The following TENM3 variants were observed in gnomAD, a reference collection of about 807,000 sequenced individuals.
The protein encoded by TENM3 is teneurin-3.
A neutral mutation model predicts 255.1 loss-of-function variants in TENM3; 63 were observed. That is an observed-to-expected ratio of 0.25 (90% CI 0.20 to 0.30). TENM3 has a LOEUF of 0.30. Ranked by LOEUF, TENM3 falls within the 10% of genes least tolerant of loss-of-function variation. The probability of loss-of-function intolerance (pLI) is 1.00; values close to 1 mark genes in which losing one functional copy is unlikely to be tolerated. For missense variants in TENM3, 2,929 were observed against 3,461.1 expected (o/e 0.85, Z 3.86); for synonymous variants, 1,306 against 1,322.3 (o/e 0.99, Z 0.27).
the TENM3 span, among the ~76,000 whole-genome samples, chr4:181,666,850 G>A: frequency 6.6e-6 from 1 of 152,094 alleles, no homozygotes; most frequent in Non-Finnish European, 1.5e-5. Context: ...TGCACCTGGG[G>A]CAGACATTCC....
chr4:181,651,095 C>T, the TENM3 span, among the ~76,000 whole-genome samples: 1 of 152,122 alleles, frequency 6.6e-6, no homozygotes, highest in African/African-American at 2.4e-5. Flanking sequence ...GAATAAAAAG[C>T]ATCAAAGTGA....
chr4:182,788,945 C>G, intron 24 of TENM3, 148 bp from the exon 25 acceptor site: 2 of 621,890 alleles, frequency 3.2e-6, no homozygotes, highest in South Asian at 5.1e-5. Flanking sequence ...AGCAGTTAAT[C>G]TACTGCCTTG....
chr4:181,546,050 C>A, the TENM3 span, among the ~76,000 whole-genome samples: 14 of 152,292 alleles, frequency 9.2e-5, no homozygotes, highest in South Asian at 2.9e-3. Flanking sequence ...GTTATTGCCA[C>A]GGTTTCCCTA....
chr4:181,790,009 G>A, the TENM3 span, among the ~76,000 whole-genome samples: 1 of 152,146 alleles, frequency 6.6e-6, no homozygotes, highest in African/African-American at 2.4e-5. Flanking sequence ...ATGGGGTCAT[G>A]GAGTGCAATT....
At chr4:182,042,560 T>C in the TENM3 span, among the ~76,000 whole-genome samples, 2 of 152,182 alleles carry the variant, frequency 1.3e-5, no homozygotes, top group Non-Finnish European at 2.9e-5. Flanking sequence ...GTGTTTCTTA[T>C]TTTAATACAA....
Position 182,729,038 on chromosome 4 carries a change from A to T in TENM3, c.2442A>T (p.Gly814=), listed in dbSNP as rs1760467123. 1.2e-6 allele frequency: 2 copies of T among 1,613,962 alleles called. No individual in the cohort carries two copies. Among genetic ancestry groups the T allele is most frequent in the Non-Finnish European group, 1.7e-6 (2 of 1,179,880 alleles). The change falls in exon 14 of 28, where the codon GGA becomes GGT. Residue 814 remains glycine (G), a synonymous_variant. Coordinates refer to ENST00000511685, the MANE Select transcript of TENM3 (RefSeq NM_001080477.4). The part of the protein sequence containing the change: ...SSCQNQPYCR[G]LPDPQDIISQ... ...GCCAGAATCAGCCCTATTGTCGGGG[A>T]CTGCCGGATCCTCAGGACATCATTA...
At chr4:182,257,935 GCTAA>G (rs1758525931) in intron 1 of TENM3, among the ~76,000 whole-genome samples, 1 of 151,984 alleles carries the variant, frequency 6.6e-6, no homozygotes, top group Non-Finnish European at 1.5e-5. Context: ...AAATCTTATT[GCTAA>G]CTATTTTGTT....
chr4:182,421,396 T>C (rs1217727672), intron 3 of TENM3, among the ~76,000 whole-genome samples: 1 of 152,184 alleles, frequency 6.6e-6, no homozygotes, highest in South Asian at 2.1e-4. Flanking sequence ...ATATATACTC[T>C]TTCCTCTAGA....
intron 3 of TENM3, among the ~76,000 whole-genome samples, chr4:182,576,107 C>G (rs192246914): frequency 6.6e-6 from 1 of 152,140 alleles, no homozygotes; most frequent in Non-Finnish European, 1.5e-5. Context: ...GATATTTATT[C>G]GGTAGATTTT....
At chr4:182,084,315 AG>A in the TENM3 span, among the ~76,000 whole-genome samples, 2 of 152,204 alleles carry the variant, frequency 1.3e-5, no homozygotes, top group Non-Finnish European at 2.9e-5. Flanking sequence ...ACCAAAGCAA[AG>A]GGCATTACTT....
At chr4:182,245,538 G>A (rs1030155168) in intron 1 of TENM3, among the ~76,000 whole-genome samples, 2 of 152,136 alleles carry the variant, frequency 1.3e-5, no homozygotes, top group Non-Finnish European at 2.9e-5. Flanking sequence ...TGAAGGCAGC[G>A]TCGTGGCCCA....
chr4:181,910,914 A>T, the TENM3 span, among the ~76,000 whole-genome samples: 1 of 151,980 alleles, frequency 6.6e-6, no homozygotes, highest in East Asian at 1.9e-4. Context: ...CCCTTTTCAT[A>T]GTTTCATTAG....
the TENM3 span, among the ~76,000 whole-genome samples, chr4:182,119,067 G>A: frequency 6.6e-6 from 1 of 152,126 alleles, no homozygotes; most frequent in South Asian, 2.1e-4. Context: ...GACTGGAACT[G>A]TTGTCACCAT....
rs528130279 is a variant in TENM3 at position 182,556,904 on chromosome 4, AG to A, written c.512-44017del. 3.3e-5 allele frequency among the ~76,000 whole-genome samples: 5 copies of A among 152,352 alleles called. No individual in the cohort carries two copies. The South Asian group carries it at 1.0e-3, about 32-fold the overall frequency. On this transcript the variant is annotated intron_variant, in intron 3 of 27. Transcript: ENST00000511685. ...TTGTGGATTCCCTAGAAGACAGGCA[AG>A]GGAAGGCAAGAGGGATGTGCATTAG...
chr4:181,767,325 T>C, the TENM3 span, among the ~76,000 whole-genome samples: 1 of 148,530 alleles, frequency 6.7e-6, no homozygotes, highest in South Asian at 2.1e-4. Context: ...AGAAGTATAC[T>C]GAAAGAAAAA....
In TENM3 at chr4:182,564,522, A is replaced by C. The variant is rs141557302; in HGVS notation, c.512-36402A>C. On this transcript the variant is annotated intron_variant, in intron 3 of 27. Coordinates refer to ENST00000511685, the MANE Select transcript of TENM3 (RefSeq NM_001080477.4). ...CTCAATTATTCTCTTCACCACACCG[A>C]ACATTCCCAATTCCTTTCTTGGTGT... 2.2e-3 allele frequency among the ~76,000 whole-genome samples: 340 copies of C among 151,670 alleles called. 1 individual carries two copies. Among genetic ancestry groups the C allele is most frequent in the African/African-American group, 7.5e-3 (310 of 41,394 alleles).
the TENM3 span, among the ~76,000 whole-genome samples, chr4:181,996,616 C>T: frequency 9.9e-4 from 150 of 152,234 alleles, no homozygotes; most frequent in African/African-American, 3.4e-3. Context: ...TCCCATCATT[C>T]TGTCAGGTGA....
chr4:181,458,318 T>C, the TENM3 span, among the ~76,000 whole-genome samples: 1 of 151,980 alleles, frequency 6.6e-6, no homozygotes, highest in Admixed American at 6.6e-5. Flanking sequence ...TTTTTGCTTT[T>C]AGAACAGTGA....
At chr4:181,622,569 G>C in the TENM3 span, among the ~76,000 whole-genome samples, 1 of 152,092 alleles carries the variant, frequency 6.6e-6, no homozygotes, top group African/African-American at 2.4e-5. Context: ...TCAGCTACTC[G>C]GGAGGTTGAG....
Sources: allele counts gnomAD v4.1 joint callset (sites outside exome capture counted in the v4.1 genomes callset), GRCh38; gene constraint gnomAD v4.1.1; transcripts MANE v1.5; gene names NCBI Gene and HGNC (gene_info 2026-07-23, HGNC 2026-07-21).